CFAP54: variants seen among roughly 807,000 people sequenced by gnomAD.
The protein encoded by CFAP54 is cilia and flagella associated protein 54, also known as cilia- and flagella-associated protein 54.
In CFAP54, 290 loss-of-function variants were observed where a neutral mutation model predicts 370.4. That is an observed-to-expected ratio of 0.78 (90% CI 0.71 to 0.86). The LOEUF is 0.86. CFAP54 is among the 40% of genes least tolerant of loss of function. The pLI is 0.00. For synonymous variants in CFAP54, 1,206 were observed against 1,236.5 expected (o/e 0.98, Z 0.52); for missense variants, 3,399 against 3,528.7 (o/e 0.96, Z 0.93).
At chr12:96,825,468 T>TTATATATTA (rs1565992741) in intron 65 of CFAP54, among the ~76,000 whole-genome samples, 1 of 117,054 alleles carries the variant, frequency 8.5e-6, no homozygotes, top group African/African-American at 3.5e-5. Flanking sequence ...ATATAATATA[T>TTATATATTA]TATATATATT....
rs750122624 is a variant in CFAP54 at position 96,801,918 on chromosome 12, A to G, written c.8850+9419A>G. 8.5e-5 allele frequency among the ~76,000 whole-genome samples: 13 copies of G among 152,096 alleles called. No homozygotes were observed. In the South Asian group the frequency reaches 2.5e-3, roughly 29 times the overall value. ...GAGGGACAGGAAACTAGGCTCTCCT[A>G]TGCATATCTAGGATAATACTCACTG... On this transcript the variant is annotated intron_variant, in intron 63 of 67. Transcript: ENST00000524981.
chr12:96,756,905 C>T lies in CFAP54; in HGVS notation c.7946+342C>T, dbSNP rs1282771125. Among the ~76,000 whole-genome samples, 3 of 152,036 alleles carry T rather than the reference C, an allele frequency of 2.0e-5. No individual in the cohort carries two copies. The East Asian group carries it at 5.8e-4, about 29-fold the overall frequency. The stretch of plus-strand genomic sequence containing the variant: ...GAAGGAGTTCGTGTGGCTGTGAATT[C>T]ACTCTGGTCATCAGGACCAGGACTG... On this transcript the variant is annotated intron_variant, in intron 57 of 67. Transcript: ENST00000524981.
intron 13 of CFAP54, among the ~76,000 whole-genome samples, chr12:96,539,476 C>A (rs1280585601): frequency 6.6e-6 from 1 of 151,816 alleles, no homozygotes; most frequent in Non-Finnish European, 1.5e-5. Context: ...GAGTTTGAGA[C>A]CAGCCTGGTC....
chr12:96,761,725 A>T (rs1315325379), intron 58 of CFAP54, among the ~76,000 whole-genome samples: 1 of 152,100 alleles, frequency 6.6e-6, no homozygotes, highest in Non-Finnish European at 1.5e-5. Context: ...CAGTTGTCTC[A>T]GCACCATTTG....
At chr12:96,822,449 G>A (rs2136742964) in intron 65 of CFAP54, among the ~76,000 whole-genome samples, 1 of 152,282 alleles carries the variant, frequency 6.6e-6, no homozygotes, top group African/African-American at 2.4e-5. Flanking sequence ...CACAGAGCAA[G>A]ATACAATTGG....
intron 4 of CFAP54, among the ~76,000 whole-genome samples, chr12:96,512,246 T>G (rs1381351426): frequency 6.8e-6 from 1 of 146,626 alleles, no homozygotes; most frequent in African/African-American, 2.6e-5. Flanking sequence ...ATTCTGATCT[T>G]ATTTGGAGAT....
At chr12:96,511,453 G>C (rs913518746) in intron 4 of CFAP54, among the ~76,000 whole-genome samples, 1 of 152,130 alleles carries the variant, frequency 6.6e-6, no homozygotes, top group Non-Finnish European at 1.5e-5. Flanking sequence ...TGAGTAGCTG[G>C]GATTACAGGT....
intron 46 of CFAP54, among the ~76,000 whole-genome samples, chr12:96,700,786 C>T (rs1957483416): frequency 6.6e-6 from 1 of 152,014 alleles, no homozygotes; most frequent in Non-Finnish European, 1.5e-5. Context: ...CTTGGACCCT[C>T]CTAGACCAGC....
At chr12:96,872,759 G>T (rs1320546025) in intron 67 of CFAP54, among the ~76,000 whole-genome samples, 2 of 152,138 alleles carry the variant, frequency 1.3e-5, no homozygotes, top group Non-Finnish European at 2.9e-5. Flanking sequence ...GGGTAGCTTT[G>T]ATGCTTCAGA....
At chr12:96,771,845 A>G (rs916790032) in intron 60 of CFAP54, among the ~76,000 whole-genome samples, 1 of 152,338 alleles carries the variant, frequency 6.6e-6, no homozygotes, top group Middle Eastern at 3.4e-3. Context: ...CATGCAGGAC[A>G]GAAGGGACTC....
chr12:96,679,218 C>A (rs548317326), intron 39 of CFAP54, among the ~76,000 whole-genome samples: 1 of 152,144 alleles, frequency 6.6e-6, no homozygotes, highest in East Asian at 1.9e-4. Flanking sequence ...TTATTTCTTC[C>A]TTTGTTTCTT....
chr12:96,790,817 T>C (rs75707416), intron 62 of CFAP54, among the ~76,000 whole-genome samples: 81 of 152,364 alleles, frequency 5.3e-4, no homozygotes, highest in African/African-American at 1.9e-3. Flanking sequence ...TTTATGATTG[T>C]CTCTAGACAT....
At chr12:96,871,117 A>T (rs556365205) in intron 67 of CFAP54, among the ~76,000 whole-genome samples, 2 of 152,148 alleles carry the variant, frequency 1.3e-5, no homozygotes, top group Non-Finnish European at 2.9e-5. Context: ...CTGTGCACAA[A>T]TTCTCCTAAA....
At chr12:96,618,321 G>A (rs1399335188) in intron 26 of CFAP54, among the ~76,000 whole-genome samples, 1 of 152,174 alleles carries the variant, frequency 6.6e-6, no homozygotes, top group African/African-American at 2.4e-5. Context: ...GAGGGACCAG[G>A]AAAGGGAAAG....
chr12:96,574,296 G>C (rs1328415035), intron 19 of CFAP54, among the ~76,000 whole-genome samples: 1 of 151,954 alleles, frequency 6.6e-6, no homozygotes, highest in Non-Finnish European at 1.5e-5. Flanking sequence ...GTTTTTTTCT[G>C]TCAGAATGAA....
At chr12:96,828,132 G>A (rs1408133165) in intron 65 of CFAP54, among the ~76,000 whole-genome samples, 1 of 143,966 alleles carries the variant, frequency 6.9e-6, no homozygotes, top group Middle Eastern at 3.2e-3. Context: ...CCAGACACTG[G>A]CAACATTGTG....
chr12:96,641,836 C>T (rs1018596406), intron 32 of CFAP54, among the ~76,000 whole-genome samples: 8 of 151,346 alleles, frequency 5.3e-5, no homozygotes, highest in African/African-American at 1.5e-4. Flanking sequence ...GGACAAAAAA[C>T]CAAACATCGC....
intron 36 of CFAP54, among the ~76,000 whole-genome samples, chr12:96,653,554 A>G (rs557568843): frequency 3.9e-5 from 6 of 152,328 alleles, no homozygotes; most frequent in African/African-American, 1.2e-4. Flanking sequence ...CACAAGAGAA[A>G]TTAGAGAATA....
At chr12:96,634,334 G>A (rs1592896727) in intron 32 of CFAP54, among the ~76,000 whole-genome samples, 1 of 151,942 alleles carries the variant, frequency 6.6e-6, no homozygotes, top group East Asian at 1.9e-4. Context: ...GATTACAAGC[G>A]TGAGCCACCG....
Sources: allele counts gnomAD v4.1 joint callset (sites outside exome capture counted in the v4.1 genomes callset), GRCh38; gene constraint gnomAD v4.1.1; transcripts MANE v1.5; gene names NCBI Gene and HGNC (gene_info 2026-07-23, HGNC 2026-07-21).